Variants in RUFY1 observed in about 807,000 individuals in gnomAD.
The protein encoded by RUFY1 is RUN and FYVE domain containing 1, also known as RUN and FYVE domain-containing protein 1.
Under a neutral mutation model 94.6 loss-of-function variants are expected in RUFY1, and 54 were observed. The ratio of observed to expected loss-of-function variants is 0.57; its 90% CI spans 0.46 to 0.72. The LOEUF is 0.72. RUFY1 is among the 30% of genes least tolerant of loss of function. RUFY1 has a pLI of 0.00. For missense variants in RUFY1, 883 were observed against 883.9 expected, an observed-to-expected ratio of 1.00 and a Z score of 0.01; for synonymous variants, 396 against 347.3, an observed-to-expected ratio of 1.14 and a Z score of -1.56.
chr5:179,593,625 C>T lies in RUFY1; in HGVS notation c.1393C>T (p.Gln465Ter), dbSNP rs1562070093. 1 of 1,613,960 alleles carries T rather than the reference C, an allele frequency of 6.2e-7. No individual in the cohort carries two copies. The part of the protein sequence containing the change: ...QLEEVKAINL[Q>*]MFHKAQNAES... Reference sequence around the variant, plus strand: ...GGAAGAAGTCAAAGCGATTAATTTACAGATGTTTCACAAAGCTCAGGTGGG... The same window carrying T: ...GGAAGAAGTCAAAGCGATTAATTTATAGATGTTTCACAAAGCTCAGGTGGG... The change falls in exon 11 of 18, where the codon CAG becomes TAG. Residue 465 changes from glutamine (Q) to a stop codon, truncating the protein, a stop_gained. Transcript: ENST00000319449. LOFTEE classifies it high-confidence loss of function.
chr5:179,561,233 T>A (rs55640631), intron 2 of RUFY1, among the ~76,000 whole-genome samples: 32,851 of 150,450 alleles, frequency 0.22, 4,231 homozygotes, highest in Non-Finnish European at 0.3. Context: ...ATAAATAAAT[T>A]AATTAATTAA....
intron 11 of RUFY1, among the ~76,000 whole-genome samples, chr5:179,594,547 G>A (rs73336105): frequency 0.068 from 9,915 of 146,216 alleles, 401 homozygotes; most frequent in South Asian, 0.11. Flanking sequence ...GGATCACGAC[G>A]TCAGGTGTTC....
At position 179,559,180 on chromosome 5, in the gene RUFY1, CTT is replaced by C. The variant is rs565885331; in HGVS notation, c.311-842_311-841del. Among the ~76,000 whole-genome samples, 3 of 152,302 alleles carry C rather than the reference CTT, an allele frequency of 2.0e-5. No individual in the cohort carries two copies. In the South Asian group the frequency reaches 6.2e-4, roughly 32 times the overall value. ...CAGGACTCTTACTTTGGGATCTAAA[CTT>C]TTAGTTTCTAGGATACCAGCTTACT... On this transcript the variant is annotated intron_variant, in intron 1 of 17. Coordinates refer to ENST00000319449, the MANE Select transcript of RUFY1 (RefSeq NM_025158.5).
intron 4 of RUFY1, among the ~76,000 whole-genome samples, chr5:179,568,385 C>G (rs556491901): frequency 6.6e-6 from 1 of 152,248 alleles, no homozygotes; most frequent in Admixed American, 6.5e-5. Flanking sequence ...AGGACTCTTT[C>G]CAGAGTTAAA....
intron 5 of RUFY1, among the ~76,000 whole-genome samples, chr5:179,570,878 T>C (rs1763178978): frequency 1.3e-5 from 2 of 152,194 alleles, no homozygotes; most frequent in South Asian, 4.1e-4. Flanking sequence ...ATCACACATA[T>C]TCTCATTACT....
At chr5:179,597,601 G>A (rs183823309) in intron 13 of RUFY1, among the ~76,000 whole-genome samples, 1 of 152,186 alleles carries the variant, frequency 6.6e-6, no homozygotes. Flanking sequence ...CAATCTTCTG[G>A]CCTCAAGTGA....
Position 179,605,863 on chromosome 5 carries a change from T to A in RUFY1, c.1857-13T>A, listed in dbSNP as rs1157577373. 7.5e-6 allele frequency: 12 copies of A among 1,594,386 alleles called. No individual in the cohort carries two copies. Among genetic ancestry groups the A allele is most frequent in the Non-Finnish European group, 1.0e-5 (12 of 1,167,510 alleles). ...CTCTCACTGCTATGAAATGGCCTTT[T>A]TTTTTTCCTTAGGTCCAAGCTGAAG... is the stretch of plus-strand genomic sequence containing the variant. On this transcript the variant is annotated splice_polypyrimidine_tract_variant and intron_variant, in intron 15 of 17. Coordinates refer to ENST00000319449, the MANE Select transcript of RUFY1 (RefSeq NM_025158.5).
chr5:179,600,473 A>T (rs536000065), intron 14 of RUFY1, among the ~76,000 whole-genome samples: 6 of 152,120 alleles, frequency 3.9e-5, no homozygotes, highest in Non-Finnish European at 8.8e-5. Flanking sequence ...CACCCCCTTC[A>T]TCATCCTTGA....
chr5:179,608,314 G>C, intron 17 of RUFY1: 1 of 985,686 alleles, frequency 1.0e-6, no homozygotes. Context: ...GGAAGCCACA[G>C]CTACCCCACC....
rs145439438 is a variant in RUFY1, at chr5:179,605,691, G to A, written c.1857-185G>A. ...GGCTCAGCCTCAGCCCTCAGCAGACGGGAGCCAGTGTGATGAGGCAACTCT... is the reference window on the plus strand; with the variant it reads ...GGCTCAGCCTCAGCCCTCAGCAGACAGGAGCCAGTGTGATGAGGCAACTCT... On this transcript the variant is annotated intron_variant, in intron 15 of 17. Coordinates refer to ENST00000319449, the MANE Select transcript of RUFY1 (RefSeq NM_025158.5). Among the ~76,000 whole-genome samples, 441 of 150,204 alleles carry A rather than the reference G, an allele frequency of 2.9e-3. 1 individual carries two copies. Among genetic ancestry groups the A allele is most frequent in the African/African-American group, 0.011 (420 of 39,828 alleles).
Position 179,593,555 on chromosome 5 carries a change from C to T in RUFY1, c.1323C>T (p.Asp441=), listed in dbSNP as rs538405717. ...TTGCAATGAAGTTACTGGAAAAGGA[C>T]ACCCACGAGAAGCAGGACACACTAG... ...MEIAMKLLEK[D]THEKQDTLVA... is the part of the protein sequence containing the mutation. The change falls in exon 11 of 18, where the codon GAC becomes GAT. Residue 441 remains aspartate, a synonymous_variant. Transcript: ENST00000319449. 2 of 1,614,074 alleles carry T rather than the reference C, an allele frequency of 1.2e-6. No individual in the cohort carries two copies. Among genetic ancestry groups the T allele is most frequent in the African/African-American group, 2.7e-5 (2 of 75,052 alleles).
At chr5:179,598,659 T>G (rs752122281) in intron 13 of RUFY1, 33 bp from the exon 14 acceptor site, 1 of 1,612,748 alleles carries the variant, frequency 6.2e-7, no homozygotes, top group Non-Finnish European at 8.5e-7. Flanking sequence ...AGTCTCCCAC[T>G]GAGACTAACT....
At chr5:179,606,674 G>C (rs1189939443) in intron 16 of RUFY1, 1 of 152,586 alleles carries the variant, frequency 6.6e-6, no homozygotes, top group Non-Finnish European at 1.5e-5. Flanking sequence ...GCAACTAACA[G>C]CAGCCGGGAC....
At chr5:179,570,126 C>A (rs918099908) in intron 5 of RUFY1, among the ~76,000 whole-genome samples, 1 of 152,098 alleles carries the variant, frequency 6.6e-6, no homozygotes, top group Non-Finnish European at 1.5e-5. Context: ...GATCCACCCG[C>A]CTCGGCCTCC....
intron 3 of RUFY1, among the ~76,000 whole-genome samples, chr5:179,566,333 T>C (rs970210204): frequency 2.0e-5 from 3 of 151,992 alleles, no homozygotes; most frequent in South Asian, 2.1e-4. Flanking sequence ...ACCTTCAAGA[T>C]TGGGGCCAGG....
chr5:179,591,487 T>C (rs1489794187), intron 9 of RUFY1, 138 bp from the exon 10 acceptor site: 16 of 646,424 alleles, frequency 2.5e-5, no homozygotes, highest in Non-Finnish European at 4.0e-5. Context: ...CCCAGCCAAG[T>C]TTTAACCTTT....
intron 15 of RUFY1, among the ~76,000 whole-genome samples, chr5:179,605,647 C>T (rs895626841): frequency 1.3e-5 from 2 of 152,120 alleles, no homozygotes; most frequent in Non-Finnish European, 2.9e-5. Context: ...AGTGTGTTCT[C>T]GTGCCAGATG....
chr5:179,598,893 C>T (rs1358805686), intron 14 of RUFY1, 72 bp downstream of exon 14: 2 of 1,564,596 alleles, frequency 1.3e-6, no homozygotes, highest in South Asian at 1.1e-5. Flanking sequence ...TCCGGGCAGG[C>T]TCCTCTCCCC....
rs1765466426 is a variant in RUFY1, at chr5:179,594,895, T to C, written c.1443T>C (p.Asn481=). Reference sequence around the variant, plus strand: ...CAGAGAGCAGTTTGCAGCAGAAGAATGAAGCCATCACATCCTTTGAAGGAA... The same window carrying C: ...CAGAGAGCAGTTTGCAGCAGAAGAACGAAGCCATCACATCCTTTGAAGGAA... ...QNAESSLQQK[N]EAITSFEGKT... Residue 481 remains asparagine, a synonymous_variant, in exon 12 of 18, where the codon AAT becomes AAC. Transcript: ENST00000319449. The C allele has an allele frequency of 6.2e-7, 1 of 1,612,958 alleles. No homozygotes were observed. Among genetic ancestry groups the C allele is most frequent in the Non-Finnish European group, 8.5e-7 (1 of 1,179,522 alleles).
Sources: allele counts gnomAD v4.1 joint callset (sites outside exome capture counted in the v4.1 genomes callset), GRCh38; gene constraint gnomAD v4.1.1; transcripts MANE v1.5; gene names NCBI Gene and HGNC (gene_info 2026-07-23, HGNC 2026-07-21).